Variants in MICOS10 observed in about 807,000 individuals in gnomAD.
MICOS10 encodes MICOS complex subunit MIC10.
In MICOS10, 5 loss-of-function variants were observed where a neutral mutation model predicts 13.4. That is an observed-to-expected ratio of 0.37 (90% CI 0.20 to 0.78). The LOEUF is 0.78. MICOS10 is among the 30% of genes least tolerant of loss of function. The probability of loss-of-function intolerance (pLI) is 0.47; values close to 1 mark genes in which losing one functional copy is unlikely to be tolerated. For missense variants in MICOS10, 101 were observed against 94.6 expected (o/e 1.07, Z -0.28); for synonymous variants, 35 against 33.6 (o/e 1.04, Z -0.15).
chr1:19,612,701 C>T (rs1737420), intron 1 of MICOS10, among the ~76,000 whole-genome samples: 16,633 of 152,058 alleles, frequency 0.11, 3,076 homozygotes, highest in African/African-American at 0.38. Context: ...CCAGCCTGGG[C>T]CACACAGTGC....
chr1:19,609,366 A>T (rs1237224887), intron 1 of MICOS10, among the ~76,000 whole-genome samples: 1 of 152,206 alleles, frequency 6.6e-6, no homozygotes, highest in Non-Finnish European at 1.5e-5. Context: ...TAAGCTGTGG[A>T]ACAACTGGGA....
intron 1 of MICOS10, 49 bp from the exon 2 acceptor site, chr1:19,622,051 G>A (rs1442936178): frequency 7.3e-7 from 1 of 1,374,534 alleles, no homozygotes; most frequent in Non-Finnish European, 1.0e-6. Context: ...TGTTATCTTT[G>A]TGAAGTTACT....
In MICOS10 at chr1:19,626,376, T is replaced by G; in HGVS notation, c.223-11T>G. ...CTGCACAGTTTTAAGCTGAATGTCC[T>G]TGCTTTACAGGAGCAGGAGCAGTGA... On this transcript the variant is annotated splice_polypyrimidine_tract_variant and intron_variant, in intron 3 of 3. Transcript: ENST00000322753. 1 of 1,613,976 alleles carries G rather than the reference T, an allele frequency of 6.2e-7. No individual in the cohort carries two copies. The highest frequency in any genetic ancestry group is 8.5e-7 in the Non-Finnish European group (1 of 1,179,852).
chr1:19,615,770 A>G (rs185213943), intron 1 of MICOS10, among the ~76,000 whole-genome samples: 1 of 152,030 alleles, frequency 6.6e-6, no homozygotes, highest in Admixed American at 6.5e-5. Flanking sequence ...TTTTCAAAGA[A>G]TAAACACTCT....
chr1:19,603,456 G>A (rs1437445986), intron 1 of MICOS10, among the ~76,000 whole-genome samples: 2 of 152,236 alleles, frequency 1.3e-5, no homozygotes, highest in Non-Finnish European at 2.9e-5. Context: ...CCAAGTTGAT[G>A]TTGCTTGTGT....
chr1:19,600,539 G>T (rs1436907475), intron 1 of MICOS10, among the ~76,000 whole-genome samples: 4 of 152,186 alleles, frequency 2.6e-5, no homozygotes. Flanking sequence ...AGGTTTGGTG[G>T]AAGACATAGA....
In MICOS10 at chr1:19,609,045, G is replaced by A. The variant is rs373765323; in HGVS notation, c.64+11936G>A. Among the ~76,000 whole-genome samples the A allele has an allele frequency of 5.0e-5, 6 of 120,844 alleles. 1 individual carries two copies. Among genetic ancestry groups the A allele is most frequent in the Admixed American group, 1.2e-4 (1 of 8,394 alleles). The allele number at this position is 120,844 out of a possible 152,430, so 79.3% of individuals were successfully genotyped here. On this transcript the variant is annotated intron_variant, in intron 1 of 3. Coordinates refer to ENST00000322753, the MANE Select transcript of MICOS10 (RefSeq NM_001032363.4). ...TTTTGAGATGGGATCTCACTCTGTCGCTCTGGCTGGAGTGCAGTGGCACAG... is the reference window on the plus strand; with the variant it reads ...TTTTGAGATGGGATCTCACTCTGTCACTCTGGCTGGAGTGCAGTGGCACAG...
At chr1:19,608,795 G>C (rs1198282623) in intron 1 of MICOS10, among the ~76,000 whole-genome samples, 1 of 151,940 alleles carries the variant, frequency 6.6e-6, no homozygotes, top group Non-Finnish European at 1.5e-5. Flanking sequence ...GCAAGCCGCA[G>C]AATGGGAGGA....
chr1:19,608,600 A>C, intron 1 of MICOS10: 1 of 757,146 alleles, frequency 1.3e-6, no homozygotes, highest in South Asian at 1.4e-5. Context: ...TCTGTTAATA[A>C]ATTGCCTTCA....
chr1:19,609,470 ATTCTACTCCT>A (rs2094850354), intron 1 of MICOS10, among the ~76,000 whole-genome samples: 1 of 152,246 alleles, frequency 6.6e-6, no homozygotes, highest in South Asian at 2.1e-4. Flanking sequence ...TGATATAGCC[ATTCTACTCCT>A]AGATATTTAC....
intron 1 of MICOS10, among the ~76,000 whole-genome samples, chr1:19,603,828 G>T (rs1435295384): frequency 6.6e-6 from 1 of 152,188 alleles, no homozygotes; most frequent in African/African-American, 2.4e-5. Flanking sequence ...CAGAGGGCTG[G>T]CTGGGATGAA....
chr1:19,612,520 C>T (rs897089644), intron 1 of MICOS10, among the ~76,000 whole-genome samples: 6 of 151,634 alleles, frequency 4.0e-5, no homozygotes, highest in South Asian at 2.1e-4. Context: ...GTCAGGAATT[C>T]GAGACCAGCC....
intron 1 of MICOS10, among the ~76,000 whole-genome samples, chr1:19,605,608 A>G (rs1285151807): frequency 1.3e-5 from 2 of 152,204 alleles, no homozygotes; most frequent in African/African-American, 4.8e-5. Context: ...TTGTTACCAA[A>G]TAATGTTGTG....
Position 19,609,344 on chromosome 1 carries a change from C to T in MICOS10, c.64+12235C>T, listed in dbSNP as rs1047809436. Among the ~76,000 whole-genome samples, 5 of 152,056 alleles carry T rather than the reference C, an allele frequency of 3.3e-5. 1 individual carries two copies. The highest frequency in any genetic ancestry group is 6.6e-5 in the Admixed American group (1 of 15,266). ...CTAAAATTTTTAAAAACTGCCAATA[C>T]TAAGTGTTAATTAAGCTGTGGAACA... On this transcript the variant is annotated intron_variant, in intron 1 of 3. Coordinates refer to ENST00000322753, the MANE Select transcript of MICOS10 (RefSeq NM_001032363.4).
chr1:19,597,059 A>C lies in MICOS10; in HGVS notation c.14A>C (p.Glu5Ala), dbSNP rs140579749. 687 of 1,592,026 alleles carry C rather than the reference A, an allele frequency of 4.3e-4. No homozygotes were observed. The highest frequency in any genetic ancestry group is 5.6e-4 in the Non-Finnish European group (657 of 1,171,870). The change falls in exon 1 of 4, where the codon GAG becomes GCG. Residue 5 changes from glutamate to alanine, a missense_variant. Coordinates refer to ENST00000322753, the MANE Select transcript of MICOS10 (RefSeq NM_001032363.4). ...CGGGTGGGGAACATGTCTGAGTCGG[A>C]GCTCGGCAGGAAGTGGGACCGGTGT... MSES[E>A]LGRKWDRCLA...
At chr1:19,606,677 G>T (rs1256177411) in intron 1 of MICOS10, among the ~76,000 whole-genome samples, 2 of 152,080 alleles carry the variant, frequency 1.3e-5, no homozygotes, top group Admixed American at 1.3e-4. Context: ...ACCTGGGAAG[G>T]TGAGGTTGCA....
intron 1 of MICOS10, chr1:19,617,199 T>C: frequency 1.2e-6 from 1 of 855,088 alleles, no homozygotes; most frequent in Non-Finnish European, 1.4e-6. Context: ...TGACTCCACA[T>C]TTACCTTTCA....
At chr1:19,611,978 A>AAAAAAAAG (rs2094864326) in intron 1 of MICOS10, among the ~76,000 whole-genome samples, 1 of 151,522 alleles carries the variant, frequency 6.6e-6, no homozygotes, top group African/African-American at 2.4e-5. Flanking sequence ...CTCAAAAAAA[A>AAAAAAAAG]AAAAAAAGAT....
At chr1:19,598,701 C>A (rs1049641691) in intron 1 of MICOS10, among the ~76,000 whole-genome samples, 3 of 151,788 alleles carry the variant, frequency 2.0e-5, no homozygotes, top group Non-Finnish European at 1.5e-5. Flanking sequence ...TCTCGCCCAT[C>A]CTTACTAATT....
Sources: allele counts gnomAD v4.1 joint callset (sites outside exome capture counted in the v4.1 genomes callset), GRCh38; gene constraint gnomAD v4.1.1; transcripts MANE v1.5; gene names NCBI Gene and HGNC (gene_info 2026-07-23, HGNC 2026-07-21).